DMD: variants seen among roughly 807,000 people sequenced by gnomAD.
The protein encoded by DMD is mutant dystrophin.
A neutral mutation model predicts 330.1 loss-of-function variants in DMD; 63 were observed. The ratio of observed to expected loss-of-function variants is 0.19; its 90% CI spans 0.16 to 0.24. The LOEUF (loss-of-function observed/expected upper bound fraction) is 0.24. DMD is among the 10% of genes least tolerant of loss of function. The pLI is 1.00. For missense variants in DMD, 3,344 were observed against 2,684.1 expected, an observed-to-expected ratio of 1.25 and a Z score of -5.43; for synonymous variants, 1,223 against 959.8, an observed-to-expected ratio of 1.27 and a Z score of -5.07.
intron 30 of DMD, among the ~76,000 whole-genome samples, chrX:32,399,969 C>T (rs1384561918): frequency 1.8e-5 from 2 of 111,425 alleles, no homozygotes; most frequent in East Asian, 2.8e-4. Context: ...TGCCTAATTG[C>T]CCTGGCCAGA....
chrX:31,995,186 T>A (rs2150334251), intron 44 of DMD, among the ~76,000 whole-genome samples: 1 of 112,041 alleles, frequency 8.9e-6, no homozygotes, highest in African/African-American at 3.2e-5. Flanking sequence ...TTTACTTACT[T>A]AAATATTTAT....
chrX:32,412,208 A>C, intron 29 of DMD: 1 of 1,058,890 alleles, frequency 9.4e-7, no homozygotes. Flanking sequence ...CATCTCAGTC[A>C]TTGCAATCTG....
chrX:32,565,422 C>T (rs1043088689), intron 16 of DMD, among the ~76,000 whole-genome samples: 1 of 111,317 alleles, frequency 9.0e-6, no homozygotes, highest in African/African-American at 3.3e-5. Flanking sequence ...TTATACAGTT[C>T]CCAGCATTTT....
intron 2 of DMD, among the ~76,000 whole-genome samples, chrX:32,983,178 T>C (rs1031602552): frequency 9.0e-6 from 1 of 110,826 alleles, no homozygotes; most frequent in Non-Finnish European, 1.9e-5. Flanking sequence ...AACCCTTATC[T>C]TTCACTAGTT....
intron 2 of DMD, among the ~76,000 whole-genome samples, chrX:32,974,142 T>C (rs2092470199): frequency 8.9e-6 from 1 of 111,795 alleles, no homozygotes; most frequent in Non-Finnish European, 1.9e-5. Context: ...CATTCTACAA[T>C]ATGAATGGAC....
At chrX:31,942,989 G>T (rs1204809098) in intron 45 of DMD, among the ~76,000 whole-genome samples, 1 of 112,241 alleles carries the variant, frequency 8.9e-6, no homozygotes, top group East Asian at 2.8e-4. Flanking sequence ...ACCAGGGAAA[G>T]CTATACAGCA....
chrX:32,696,388 G>T (rs1472903093), intron 9 of DMD, among the ~76,000 whole-genome samples: 3 of 112,084 alleles, frequency 2.7e-5, no homozygotes, highest in African/African-American at 9.7e-5. Context: ...CTTGTGATTT[G>T]TGCTGTGTCT....
intron 60 of DMD, among the ~76,000 whole-genome samples, chrX:31,350,651 GA>G (rs2058357189): frequency 1.0e-5 from 1 of 99,697 alleles, no homozygotes; most frequent in Non-Finnish European, 2.1e-5. Context: ...GAGAGAGAGA[GA>G]GAGAGAGAAG....
chrX:31,319,460 T>C (rs1396524571), intron 62 of DMD, among the ~76,000 whole-genome samples: 1 of 112,485 alleles, frequency 8.9e-6, no homozygotes, highest in Non-Finnish European at 1.9e-5. Flanking sequence ...TATATTTATA[T>C]AGAAGTCGGT....
intron 2 of DMD, among the ~76,000 whole-genome samples, chrX:32,898,483 A>G (rs1238619952): frequency 3.6e-5 from 4 of 112,239 alleles, no homozygotes; most frequent in Admixed American, 9.5e-5. Flanking sequence ...GCTTTGTGAA[A>G]TAGGGACAAC....
At chrX:32,198,164 A>T (rs182804317) in intron 44 of DMD, among the ~76,000 whole-genome samples, 45 of 111,982 alleles carry the variant, frequency 4.0e-4, no homozygotes, top group African/African-American at 1.4e-3. Flanking sequence ...TAGAATTAAA[A>T]CTGGATGATA....
intron 7 of DMD, among the ~76,000 whole-genome samples, chrX:32,706,990 G>T (rs1307126782): frequency 1.8e-5 from 2 of 110,590 alleles, no homozygotes; most frequent in African/African-American, 6.6e-5. Flanking sequence ...TACTCGGGAG[G>T]CTGAGGCAGG....
intron 1 of DMD, among the ~76,000 whole-genome samples, chrX:33,164,083 C>T: frequency 9.0e-6 from 1 of 111,070 alleles, no homozygotes; most frequent in Non-Finnish European, 1.9e-5. Flanking sequence ...CACTTTGTCT[C>T]TTTGAAGTTG....
In DMD at chrX:32,790,736, C is replaced by G. The variant is rs1252681089; in HGVS notation, c.649+18757G>C. ...TAATTCCACTGCCTGCAAATGCTGT[C>G]ACTGTGAACTGCTGTGGAGTTGAGA... is the stretch of plus-strand genomic sequence containing the variant. On this transcript the variant is annotated intron_variant, in intron 7 of 78. Transcript: ENST00000357033. 3.6e-5 allele frequency among the ~76,000 whole-genome samples: 4 copies of G among 111,625 alleles called. No homozygotes were observed. The East Asian group carries it at 1.1e-3, about 32-fold the overall frequency.
chrX:31,565,779 G>A (rs2075434041), intron 55 of DMD, among the ~76,000 whole-genome samples: 4 of 111,985 alleles, frequency 3.6e-5, no homozygotes, highest in Non-Finnish European at 7.5e-5. Context: ...GCTAGCATCT[G>A]GTGTTGTAAC....
At chrX:31,446,529 A>G (rs1370676882) in intron 59 of DMD, among the ~76,000 whole-genome samples, 1 of 111,995 alleles carries the variant, frequency 8.9e-6, no homozygotes, top group Non-Finnish European at 1.9e-5. Context: ...GTGTTAGTGG[A>G]ATGTCACTGG....
chrX:32,821,641 G>A (rs771670113), intron 5 of DMD, among the ~76,000 whole-genome samples: 108 of 110,538 alleles, frequency 9.8e-4, no homozygotes, highest in Non-Finnish European at 1.6e-3. Flanking sequence ...CAAGTTTACC[G>A]AATGAAGCCA....
Position 32,500,792 on chromosome X carries a change from T to A in DMD, c.2380+963A>T, listed in dbSNP as rs1381792133. Among the ~76,000 whole-genome samples, 3 of 111,623 alleles carry A rather than the reference T, an allele frequency of 2.7e-5. No individual in the cohort carries two copies. The East Asian group carries it at 8.4e-4, about 31-fold the overall frequency. ...CAAATACAGTCAGTCATGGGACTCATTAGAAGAAGAAAATGAATTGATTTT... is the reference window on the plus strand; with the variant it reads ...CAAATACAGTCAGTCATGGGACTCAATAGAAGAAGAAAATGAATTGATTTT... On this transcript the variant is annotated intron_variant, in intron 19 of 78. Coordinates refer to ENST00000357033, the MANE Select transcript of DMD (RefSeq NM_004006.3).
chrX:32,887,745 C>CAAAAAAAAAAAAAAAAAAAAAAAA (rs771100080), intron 2 of DMD, among the ~76,000 whole-genome samples: 1 of 6,493 alleles, frequency 1.5e-4, no homozygotes, highest in African/African-American at 4.4e-4. Flanking sequence ...AAGACTGTCT[C>CAAAAAAAAAAAAAAAAAAAAAAAA]AAAAAAAAAA....
Sources: allele counts gnomAD v4.1 joint callset (sites outside exome capture counted in the v4.1 genomes callset), GRCh38; gene constraint gnomAD v4.1.1; transcripts MANE v1.5; gene names NCBI Gene and HGNC (gene_info 2026-07-23, HGNC 2026-07-21).